Variants in RUNX2 observed in about 807,000 individuals in gnomAD.
RUNX2 encodes the protein RUNX family transcription factor 2.
A neutral mutation model predicts 51.7 loss-of-function variants in RUNX2; 10 were observed. The observed-to-expected ratio is 0.19, with a 90% CI of 0.12 to 0.33. RUNX2 has a LOEUF of 0.33. Among genes scored for constraint, RUNX2 ranks in the 10% least tolerant of loss-of-function variants. RUNX2 has a pLI of 1.00. For missense variants in RUNX2, 562 were observed against 691.3 expected (o/e 0.81, Z 2.10); for synonymous variants, 276 against 273.6 (o/e 1.01, Z -0.09).
At chr6:45,505,625 G>C (rs543627390) in intron 6 of RUNX2, among the ~76,000 whole-genome samples, 18 of 152,050 alleles carry the variant, frequency 1.2e-4, no homozygotes, top group Admixed American at 1.2e-3. Context: ...TTACATAAAG[G>C]GTTGTCTCCA....
chr6:45,397,407 C>T (rs1797607764), intron 2 of RUNX2, among the ~76,000 whole-genome samples: 1 of 152,150 alleles, frequency 6.6e-6, no homozygotes, highest in African/African-American at 2.4e-5. Flanking sequence ...CCATGCCCGG[C>T]ATATATTTCA....
At chr6:45,512,496 G>C in intron 7 of RUNX2, 89 bp downstream of exon 7, 1 of 1,411,232 alleles carries the variant, frequency 7.1e-7, no homozygotes, top group Non-Finnish European at 9.9e-7. Flanking sequence ...CATGCTCACA[G>C]TGACTCTCTA....
intron 3 of RUNX2, among the ~76,000 whole-genome samples, chr6:45,429,866 G>A (rs2150366664): frequency 6.6e-6 from 1 of 152,264 alleles, no homozygotes; most frequent in South Asian, 2.1e-4. Flanking sequence ...GGCTGAGGCG[G>A]GCGGATCACC....
intron 2 of RUNX2, among the ~76,000 whole-genome samples, chr6:45,419,589 C>A (rs1354749524): frequency 6.6e-6 from 1 of 152,272 alleles, no homozygotes; most frequent in Admixed American, 6.5e-5. Flanking sequence ...TTTTTTGAGG[C>A]GAAAGCCTGG....
chr6:45,469,921 C>G lies in RUNX2; in HGVS notation c.686-22020C>G, dbSNP rs541274473. ...GTCTTTCCTGCCATGGCTTCATTTT[C>G]TGTCATCTTAACTCCGTCACGAACC... is the stretch of plus-strand genomic sequence containing the variant. On this transcript the variant is annotated intron_variant, in intron 5 of 8. Coordinates refer to ENST00000647337, the MANE Select transcript of RUNX2 (RefSeq NM_001024630.4). Among the ~76,000 whole-genome samples the G allele has an allele frequency of 3.9e-5, 6 of 152,336 alleles. No individual in the cohort carries two copies. In the South Asian group the frequency reaches 1.2e-3, roughly 32 times the overall value.
At chr6:45,478,210 G>A (rs35064270) in intron 5 of RUNX2, among the ~76,000 whole-genome samples, 7,109 of 152,118 alleles carry the variant, frequency 0.047, 234 homozygotes, top group Middle Eastern at 0.075. Flanking sequence ...TCACACTGCT[G>A]TAATTATTTG....
intron 2 of RUNX2, among the ~76,000 whole-genome samples, chr6:45,344,917 G>T (rs1175486168): frequency 6.6e-6 from 1 of 152,128 alleles, no homozygotes. Context: ...TTACAAGCAG[G>T]ATAGTTTAGT....
chr6:45,483,838 T>A (rs1452174357), intron 5 of RUNX2, among the ~76,000 whole-genome samples: 1 of 152,162 alleles, frequency 6.6e-6, no homozygotes, highest in Non-Finnish European at 1.5e-5. Flanking sequence ...ACAGGGTGTA[T>A]TTGGACTGTC....
At chr6:45,358,637 T>C (rs573708317) in intron 2 of RUNX2, among the ~76,000 whole-genome samples, 1 of 152,306 alleles carries the variant, frequency 6.6e-6, no homozygotes, top group Admixed American at 6.5e-5. Context: ...TTCAATCATC[T>C]CATTTAATCT....
At chr6:45,499,800 A>C (rs928235203) in intron 6 of RUNX2, among the ~76,000 whole-genome samples, 3 of 152,194 alleles carry the variant, frequency 2.0e-5, no homozygotes, top group Admixed American at 2.0e-4. Context: ...CCCCCAAAAC[A>C]GTTCCATTTC....
chr6:45,350,485 T>A (rs1328350447), intron 2 of RUNX2, among the ~76,000 whole-genome samples: 2 of 152,132 alleles, frequency 1.3e-5, no homozygotes, highest in African/African-American at 4.8e-5. Flanking sequence ...AAGCAGGGAA[T>A]TGGTTTACAT....
At chr6:45,368,905 G>T (rs1189437732) in intron 2 of RUNX2, among the ~76,000 whole-genome samples, 1 of 151,898 alleles carries the variant, frequency 6.6e-6, no homozygotes, top group East Asian at 1.9e-4. Context: ...TATGCACTGA[G>T]TTTTCGTTTT....
chr6:45,353,402 TAAG>T (rs1445831110), intron 2 of RUNX2, among the ~76,000 whole-genome samples: 4 of 151,954 alleles, frequency 2.6e-5, no homozygotes, highest in Non-Finnish European at 5.9e-5. Flanking sequence ...TAAAACATAT[TAAG>T]AAGCTATAAT....
chr6:45,525,309 G>A (rs1353156043), intron 7 of RUNX2, among the ~76,000 whole-genome samples: 1 of 152,166 alleles, frequency 6.6e-6, no homozygotes, highest in Non-Finnish European at 1.5e-5. Context: ...ATTGGGTCTT[G>A]CCTCCCAAAG....
intron 5 of RUNX2, among the ~76,000 whole-genome samples, chr6:45,447,211 C>A (rs1799028297): frequency 6.6e-6 from 1 of 152,240 alleles, no homozygotes; most frequent in Admixed American, 6.5e-5. Flanking sequence ...GTGCAGCAGG[C>A]AGGACCTTTG....
chr6:45,503,856 A>G (rs553331671), intron 6 of RUNX2, among the ~76,000 whole-genome samples: 7 of 152,206 alleles, frequency 4.6e-5, no homozygotes, highest in African/African-American at 1.7e-4. Context: ...TTCTTTTAAC[A>G]TTTTATTACA....
intron 7 of RUNX2, among the ~76,000 whole-genome samples, chr6:45,520,922 G>T (rs1801487488): frequency 6.6e-6 from 1 of 152,140 alleles, no homozygotes; most frequent in Admixed American, 6.5e-5. Flanking sequence ...ATTTCTCTAT[G>T]TTGGCCAGGC....
chr6:45,400,835 A>G (rs1346718307), intron 2 of RUNX2, among the ~76,000 whole-genome samples: 1 of 152,214 alleles, frequency 6.6e-6, no homozygotes, highest in Admixed American at 6.5e-5. Context: ...ATTGAATATA[A>G]TACGTTCCTA....
intron 2 of RUNX2, among the ~76,000 whole-genome samples, chr6:45,359,772 A>G (rs1289112750): frequency 6.6e-6 from 1 of 152,230 alleles, no homozygotes; most frequent in African/African-American, 2.4e-5. Context: ...GGCTGGGCGC[A>G]GAGGCTTATG....
Sources: allele counts gnomAD v4.1 joint callset (sites outside exome capture counted in the v4.1 genomes callset), GRCh38; gene constraint gnomAD v4.1.1; transcripts MANE v1.5; gene names NCBI Gene and HGNC (gene_info 2026-07-23, HGNC 2026-07-21).